TNFAIP6: variants seen among roughly 807,000 people sequenced by gnomAD.
TNFAIP6 encodes the protein tumor necrosis factor-inducible gene 6 protein.
TNFAIP6 carries 36 observed loss-of-function variants against 33.7 expected under a neutral mutation model. The observed-to-expected ratio is 1.07, with a 90% CI of 0.82 to 1.41. The LOEUF is 1.41. Among genes scored for constraint, TNFAIP6 ranks in the 40% most tolerant of loss-of-function variants. The pLI is 0.00. For missense variants in TNFAIP6, 273 were observed against 331.9 expected (o/e 0.82, Z 1.38); for synonymous variants, 113 against 112.8 (o/e 1.00, Z -0.01).
chr2:151,380,997 A>C (rs1685002843), downstream of TNFAIP6, among the ~76,000 whole-genome samples: 1 of 152,176 alleles, frequency 6.6e-6, no homozygotes, highest in African/African-American at 2.4e-5. Flanking sequence ...AGAAAAAAAC[A>C]CAGTTGTTAC....
At chr2:151,357,789 T>A in intron 1 of TNFAIP6, 29 bp downstream of exon 1, 1 of 1,355,356 alleles carries the variant, frequency 7.4e-7, no homozygotes, top group Non-Finnish European at 1.1e-6. Context: ...GAGCCTCTTG[T>A]TGAGAATGTC....
chr2:151,373,044 G>A (rs1412929367), intron 4 of TNFAIP6, among the ~76,000 whole-genome samples: 1 of 152,136 alleles, frequency 6.6e-6, no homozygotes, highest in Non-Finnish European at 1.5e-5. Flanking sequence ...TTGGCTGGGT[G>A]CGGTGGCTCA....
chr2:151,364,966 A>G (rs1413386621), intron 2 of TNFAIP6, among the ~76,000 whole-genome samples: 1 of 152,160 alleles, frequency 6.6e-6, no homozygotes, highest in Admixed American at 6.6e-5. Context: ...GCATTGACAG[A>G]TACTAAAACA....
At chr2:151,367,181 A>G (rs112837356) in intron 3 of TNFAIP6, among the ~76,000 whole-genome samples, 44 of 152,294 alleles carry the variant, frequency 2.9e-4, no homozygotes, top group Middle Eastern at 3.4e-3. Context: ...TCTGTAACTA[A>G]CCTATATCTC....
Position 151,370,228 on chromosome 2 carries a change from T to C in TNFAIP6, c.603T>C (p.Asp201=), listed in dbSNP as rs1558900192. 1 of 1,613,922 alleles carries C rather than the reference T, an allele frequency of 6.2e-7. No individual in the cohort carries two copies. The highest frequency in any genetic ancestry group is 8.5e-7 in the Non-Finnish European group (1 of 1,179,924). Residue 201 remains aspartate (D), a synonymous_variant, in exon 4 of 6, where the codon GAT becomes GAC. Transcript: ENST00000243347. ...TTGAAATATATGACAGTTACGATGA[T>C]GTCCATGGCTTTGTGGGAAGGTACG... ...DYVEIYDSYD[D]VHGFVGRYCG...
At chr2:151,359,386 A>ATTT (rs35150597) in intron 1 of TNFAIP6, among the ~76,000 whole-genome samples, 13,192 of 130,040 alleles carry the variant, frequency 0.1, 835 homozygotes, top group African/African-American at 0.13. Flanking sequence ...GCAACTCATA[A>ATTT]TTTTTTTTTT....
At chr2:151,377,475 GTGTT>G (rs5835362) in intron 5 of TNFAIP6, among the ~76,000 whole-genome samples, 96,367 of 151,024 alleles carry the variant, frequency 0.64, 33,602 homozygotes, top group East Asian at 0.83. Flanking sequence ...GGCCATTTTT[GTGTT>G]TGTTTGTTTG....
downstream of TNFAIP6, among the ~76,000 whole-genome samples, chr2:151,380,772 G>C (rs988001730): frequency 1.1e-4 from 16 of 152,138 alleles, no homozygotes; most frequent in Admixed American, 3.3e-4. Context: ...TGGTTTCTTG[G>C]AAGGTCAGAT....
intron 3 of TNFAIP6, among the ~76,000 whole-genome samples, chr2:151,369,414 C>A (rs543003713): frequency 7.2e-5 from 11 of 152,068 alleles, no homozygotes; most frequent in Non-Finnish European, 1.6e-4. Flanking sequence ...CTCAGCCTCC[C>A]AATTAGCTGG....
At chr2:151,375,301 C>T (rs1233605097) in intron 5 of TNFAIP6, among the ~76,000 whole-genome samples, 2 of 147,782 alleles carry the variant, frequency 1.4e-5, no homozygotes. Context: ...AATCAAGAAA[C>T]AGAAAAGAAT....
intron 5 of TNFAIP6, among the ~76,000 whole-genome samples, chr2:151,375,198 A>G (rs541930162): frequency 6.6e-6 from 1 of 151,940 alleles, no homozygotes; most frequent in Non-Finnish European, 1.5e-5. Context: ...ACTTACTCCA[A>G]ATGTAATCAA....
At chr2:151,379,229 A>G (rs1337123990) in intron 5 of TNFAIP6, 135 bp from the exon 6 acceptor site, 3 of 798,304 alleles carry the variant, frequency 3.8e-6, no homozygotes, top group Middle Eastern at 5.3e-4. Flanking sequence ...CTTCAGCTTG[A>G]GAATCGACCT....
In TNFAIP6 at chr2:151,366,130, T is replaced by G. The variant is rs764349918; in HGVS notation, c.307T>G (p.Cys103Gly). 14 of 1,614,060 alleles carry G rather than the reference T, an allele frequency of 8.7e-6. No individual in the cohort carries two copies. The highest frequency in any genetic ancestry group is 1.1e-5 in the Non-Finnish European group (13 of 1,180,030). ...CCCCATTGTGAAGCCAGGGCCCAAC[T>G]GTGGATTTGGAAAAACTGGCATTAT... ...GYPIVKPGPN[C>G]GFGKTGIIDY... The change falls in exon 3 of 6, where the codon TGT (cysteine) becomes GGT (glycine). Residue 103 changes from cysteine (C) to glycine (G), a missense_variant. Physicochemically the swap from Cys to Gly is radical, Grantham distance 159. Coordinates refer to ENST00000243347, the MANE Select transcript of TNFAIP6 (RefSeq NM_007115.4).
intron 1 of TNFAIP6, among the ~76,000 whole-genome samples, chr2:151,358,000 T>G (rs544249108): frequency 3.3e-5 from 5 of 152,170 alleles, no homozygotes; most frequent in Non-Finnish European, 7.3e-5. Context: ...GCAGTTAATA[T>G]TTATATTCAG....
intron 3 of TNFAIP6, chr2:151,368,367 T>G (rs1388002004): frequency 6.7e-6 from 1 of 148,398 alleles, no homozygotes; most frequent in East Asian, 2.0e-4. Flanking sequence ...CTGTTCTGCT[T>G]TATTTCATCA....
At chr2:151,367,288 T>C (rs1414315427) in intron 3 of TNFAIP6, among the ~76,000 whole-genome samples, 2 of 152,202 alleles carry the variant, frequency 1.3e-5, no homozygotes, top group Non-Finnish European at 1.5e-5. Flanking sequence ...AGTGCATTTA[T>C]GTAACTTTAA....
At chr2:151,375,116 AC>A (rs1274198562) in intron 5 of TNFAIP6, among the ~76,000 whole-genome samples, 60 of 118,404 alleles carry the variant, frequency 5.1e-4, no homozygotes, top group Non-Finnish European at 3.2e-4. Context: ...CAAGAGCAAA[AC>A]TCCGTCTCAA....
At chr2:151,361,813 G>A (rs1414349721) in intron 1 of TNFAIP6, among the ~76,000 whole-genome samples, 1 of 152,204 alleles carries the variant, frequency 6.6e-6, no homozygotes, top group African/African-American at 2.4e-5. Flanking sequence ...TCTTTCAATA[G>A]AGAAACAACT....
intron 1 of TNFAIP6, among the ~76,000 whole-genome samples, chr2:151,363,595 G>T (rs1398427417): frequency 6.6e-6 from 1 of 152,030 alleles, no homozygotes; most frequent in African/African-American, 2.4e-5. Flanking sequence ...CCGGGAGGCG[G>T]AGCTTGCAGT....
Sources: gnomAD v4.1 joint callset for allele counts (sites outside exome capture counted in the v4.1 genomes callset) on GRCh38, gnomAD v4.1.1 for gene constraint, MANE v1.5 for transcripts, NCBI Gene and HGNC (gene_info 2026-07-23, HGNC 2026-07-21) for gene names.